B3GAT2: variants seen among roughly 807,000 people sequenced by gnomAD.
The protein encoded by B3GAT2 is galactosylgalactosylxylosylprotein 3-beta-glucuronosyltransferase 2.
In B3GAT2, 26 loss-of-function variants were observed where a neutral mutation model predicts 27.8. That is an observed-to-expected ratio of 0.93 (90% CI 0.68 to 1.30). B3GAT2 has a LOEUF of 1.30. Among genes scored for constraint, B3GAT2 ranks in the 50% most tolerant of loss-of-function variants. The pLI, the probability that B3GAT2 is intolerant of heterozygous loss-of-function variation, is 0.00. For synonymous variants in B3GAT2, 218 were observed against 195.1 expected (o/e 1.12, Z -0.98); for missense variants, 458 against 459.0 (o/e 1.00, Z 0.02).
intron 1 of B3GAT2, among the ~76,000 whole-genome samples, chr6:70,955,512 C>A (rs992778217): frequency 4.6e-5 from 7 of 150,762 alleles, no homozygotes; most frequent in East Asian, 2.0e-4. Flanking sequence ...ATCCTCAGGT[C>A]GTCAGGAGCC....
chr6:70,921,693 G>A (rs892712723), intron 1 of B3GAT2, among the ~76,000 whole-genome samples: 1 of 152,164 alleles, frequency 6.6e-6, no homozygotes, highest in Non-Finnish European at 1.5e-5. Flanking sequence ...CAGAGTTCTT[G>A]CATTGATTCT....
At chr6:70,894,349 A>T in intron 1 of B3GAT2, 77 bp from the exon 2 acceptor site, 1 of 1,437,770 alleles carries the variant, frequency 7.0e-7, no homozygotes, top group Middle Eastern at 1.9e-4. Flanking sequence ...TCTATGTAGA[A>T]GAAGTAGGGC....
Position 70,946,133 on chromosome 6 carries a change from G to A in B3GAT2, c.591+9706C>T, listed in dbSNP as rs575452915. Among the ~76,000 whole-genome samples, 341 of 152,118 alleles carry A rather than the reference G, an allele frequency of 2.2e-3. 1 individual carries two copies. Among genetic ancestry groups the A allele is most frequent in the Non-Finnish European group, 3.0e-3 (202 of 67,992 alleles). ...CTGCAAAATCATGCCAAAACGTAAA[G>A]ACCATCGAGGCTAGGAAGAAACTGC... On this transcript the variant is annotated intron_variant, in intron 1 of 3. Transcript: ENST00000230053.
intron 1 of B3GAT2, among the ~76,000 whole-genome samples, chr6:70,906,596 A>T (rs77872422): frequency 0.046 from 6,932 of 152,242 alleles, 162 homozygotes; most frequent in African/African-American, 0.052. Context: ...TGCCTTGGCC[A>T]CCTAAAGTGC....
intron 2 of B3GAT2, among the ~76,000 whole-genome samples, chr6:70,891,915 A>T (rs1772295252): frequency 6.6e-6 from 1 of 152,140 alleles, no homozygotes. Context: ...TTAAGTTAGA[A>T]TTAGAACAAA....
At chr6:70,927,433 T>C (rs959385849) in intron 1 of B3GAT2, among the ~76,000 whole-genome samples, 2 of 152,030 alleles carry the variant, frequency 1.3e-5, no homozygotes, top group Admixed American at 1.3e-4. Flanking sequence ...AGGAGACCCA[T>C]CTCACATGCA....
intron 2 of B3GAT2, among the ~76,000 whole-genome samples, chr6:70,869,656 T>C (rs1245872845): frequency 1.3e-5 from 2 of 152,250 alleles, no homozygotes; most frequent in African/African-American, 4.8e-5. Flanking sequence ...TTTCTGACAC[T>C]ATTGTGAATG....
chr6:70,906,100 T>C (rs917734570), intron 1 of B3GAT2, among the ~76,000 whole-genome samples: 2 of 152,210 alleles, frequency 1.3e-5, no homozygotes, highest in African/African-American at 4.8e-5. Context: ...ACCATGATAA[T>C]GTGAGGAAAT....
At chr6:70,875,051 A>G (rs1346852661) in intron 2 of B3GAT2, among the ~76,000 whole-genome samples, 1 of 151,636 alleles carries the variant, frequency 6.6e-6, no homozygotes, top group East Asian at 1.9e-4. Flanking sequence ...ACTTTTAGCT[A>G]ATTTCCATAG....
rs146978246 is a variant in B3GAT2 at position 70,881,734 on chromosome 6, G to A, written c.736+12394C>T. Among the ~76,000 whole-genome samples the A allele has an allele frequency of 2.4e-3, 361 of 152,276 alleles. 6 individuals carry two copies. Among genetic ancestry groups the A allele is most frequent in the Admixed American group, 0.019 (294 of 15,300 alleles). On this transcript the variant is annotated intron_variant, in intron 2 of 3. Coordinates refer to ENST00000230053, the MANE Select transcript of B3GAT2 (RefSeq NM_080742.3). ...GCTGTGTAGGGGCTTGATGGCATGTGTCTGAGGCACGGCCCCCTTCAGCCC... is the reference window on the plus strand; with the variant it reads ...GCTGTGTAGGGGCTTGATGGCATGTATCTGAGGCACGGCCCCCTTCAGCCC...
Position 70,860,703 on chromosome 6 carries a change from A to C in B3GAT2, c.*960T>G, listed in dbSNP as rs1283916385. 6 of 402,434 alleles carry C rather than the reference A, an allele frequency of 1.5e-5. No individual in the cohort carries two copies. The highest frequency in any genetic ancestry group is 6.2e-5 in the African/African-American group (3 of 48,668). 24.9% of individuals were successfully genotyped at this position (402,434 alleles called of 1,614,324 possible). Reference sequence around the variant, plus strand: ...CCTCTAATAGTATAAACCCCACCCCAAAATTAGCCAGTAATCCTGTAGGAA... The same window carrying C: ...CCTCTAATAGTATAAACCCCACCCCCAAATTAGCCAGTAATCCTGTAGGAA... On this transcript the variant is annotated 3_prime_UTR_variant, in exon 4 of 4. Transcript: ENST00000230053.
Position 70,856,896 on chromosome 6 carries a change from C to T in B3GAT2, c.*4767G>A, listed in dbSNP as rs370887394. ...GCACCAGCAGCTGCAACCCTGTCTA[C>T]AGTAACATCTGGGGATCTAGATTTA... On this transcript the variant is annotated 3_prime_UTR_variant, in exon 4 of 4. Transcript: ENST00000230053. 5.0e-6 allele frequency: 8 copies of T among 1,613,614 alleles called. No individual in the cohort carries two copies. Among genetic ancestry groups the T allele is most frequent in the Non-Finnish European group, 6.8e-6 (8 of 1,179,758 alleles).
chr6:70,871,226 T>G lies in B3GAT2; in HGVS notation c.737-9248A>C, dbSNP rs1384044130. 6.6e-4 allele frequency among the ~76,000 whole-genome samples: 99 copies of G among 150,076 alleles called. 2 individuals are homozygous for G. Among genetic ancestry groups the G allele is most frequent in the Non-Finnish European group, 4.3e-4 (29 of 67,366 alleles). ...TCTGTCTGTTTTTTTTTTTTTGTTT[T>G]TTTTTTTTCTTCGTGATGTCTTTGG... On this transcript the variant is annotated intron_variant, in intron 2 of 3. Coordinates refer to ENST00000230053, the MANE Select transcript of B3GAT2 (RefSeq NM_080742.3).
intron 1 of B3GAT2, among the ~76,000 whole-genome samples, chr6:70,921,806 G>A (rs1473562588): frequency 1.3e-5 from 2 of 152,276 alleles, no homozygotes; most frequent in Non-Finnish European, 2.9e-5. Context: ...GGGTTTGATT[G>A]TGGTATAATG....
Position 70,857,611 on chromosome 6 carries a change from G to T in B3GAT2, c.*4052C>A, listed in dbSNP as rs181460626. 3.5e-4 allele frequency: 106 copies of T among 306,530 alleles called. No homozygotes were observed. Among genetic ancestry groups the T allele is most frequent in the African/African-American group, 2.1e-3 (99 of 46,268 alleles). 19.0% of individuals were successfully genotyped at this position (306,530 alleles called of 1,614,324 possible). A position where few individuals can be genotyped will look rare whatever the true frequency, so the allele number is the denominator to read the frequency against. On this transcript the variant is annotated 3_prime_UTR_variant, in exon 4 of 4. Coordinates refer to ENST00000230053, the MANE Select transcript of B3GAT2 (RefSeq NM_080742.3). ...ACTGGGGGACCAGTGGTACAAATCA[G>T]CAATAAAACAGTGTATGATGTCATG...
chr6:70,942,978 A>C (rs1187684821), intron 1 of B3GAT2, among the ~76,000 whole-genome samples: 2 of 152,186 alleles, frequency 1.3e-5, no homozygotes, highest in Non-Finnish European at 2.9e-5. Context: ...CTGAAGGAAC[A>C]ACAGTCTTAG....
rs61596019 is a variant in B3GAT2 at position 70,952,838 on chromosome 6, G to A, written c.591+3001C>T. Among the ~76,000 whole-genome samples, 212 of 152,304 alleles carry A rather than the reference G, an allele frequency of 1.4e-3. 1 individual carries two copies. Among genetic ancestry groups the A allele is most frequent in the African/African-American group, 4.9e-3 (204 of 41,558 alleles). On this transcript the variant is annotated intron_variant, in intron 1 of 3. Transcript: ENST00000230053. The stretch of plus-strand genomic sequence containing the variant: ...TCCTGGCAATGCAGATCAGTTGAAA[G>A]GAAAGGCTGAAAATTAGTTAGCTGT...
In B3GAT2 at chr6:70,857,568, C is replaced by T. The variant is rs924487077; in HGVS notation, c.*4095G>A. ...CTATTGAAGCGAGATATAGTCAGCT[C>T]TCACTTCCCTGTTTCGTACTGGGGG... On this transcript the variant is annotated 3_prime_UTR_variant, in exon 4 of 4. Coordinates refer to ENST00000230053, the MANE Select transcript of B3GAT2 (RefSeq NM_080742.3). 8.4e-6 allele frequency: 2 copies of T among 237,554 alleles called. No homozygotes were observed. The highest frequency in any genetic ancestry group is 2.1e-4 in the East Asian group (2 of 9,482). 14.7% of individuals were successfully genotyped at this position (237,554 alleles called of 1,614,324 possible).
At chr6:70,933,905 C>T (rs1033908866) in intron 1 of B3GAT2, among the ~76,000 whole-genome samples, 5 of 152,156 alleles carry the variant, frequency 3.3e-5, no homozygotes, top group East Asian at 1.9e-4. Context: ...CCTATTACCT[C>T]GTTTAATTCT....
Sources: allele counts gnomAD v4.1 joint callset (sites outside exome capture counted in the v4.1 genomes callset), GRCh38; gene constraint gnomAD v4.1.1; transcripts MANE v1.5; gene names NCBI Gene and HGNC (gene_info 2026-07-23, HGNC 2026-07-21).